EIF4G3: variants seen among roughly 807,000 people sequenced by gnomAD.
EIF4G3 encodes eIF-4-gamma 3.
Under a neutral mutation model 186.4 loss-of-function variants are expected in EIF4G3, and 34 were observed. The observed-to-expected ratio is 0.18, with a 90% CI of 0.14 to 0.24. The LOEUF (loss-of-function observed/expected upper bound fraction) is 0.24, where lower values mean the gene tolerates loss of function less well. Among genes scored for constraint, EIF4G3 ranks in the 10% least tolerant of loss-of-function variants. The pLI is 1.00. For missense variants in EIF4G3, 1,536 were observed against 1,948.5 expected (o/e 0.79, Z 3.99); for synonymous variants, 673 against 679.5 (o/e 0.99, Z 0.15).
chr1:20,950,049 A>G lies in EIF4G3; in HGVS notation c.777T>C (p.His259=), dbSNP rs1001082653. The change falls in exon 13 of 37, where the codon CAT becomes CAC. Residue 259 remains histidine (H), a synonymous_variant. Coordinates refer to ENST00000602326, the MANE Select transcript of EIF4G3 (RefSeq NM_001391906.1). ...PVVYGTVESA[H]LAASTPVTAA... ...CAGTGACAGGGGTGCTGGCAGCAAG[A>G]TGAGCGCTCTCCACAGTCCCATAAA... 6.2e-7 allele frequency: 1 copy of G among 1,613,642 alleles called. No homozygotes were observed. Among genetic ancestry groups the G allele is most frequent in the Non-Finnish European group, 8.5e-7 (1 of 1,179,744 alleles).
intron 32 of EIF4G3, among the ~76,000 whole-genome samples, chr1:20,826,984 GGACT>G (rs2063816228): frequency 6.6e-6 from 1 of 152,130 alleles, no homozygotes; most frequent in African/African-American, 2.4e-5. Flanking sequence ...GGATACAGAA[GGACT>G]TCTGTATCAG....
intron 3 of EIF4G3, among the ~76,000 whole-genome samples, chr1:21,068,375 TA>T (rs869306512): frequency 0.42 from 28,271 of 67,698 alleles, 4,608 homozygotes; most frequent in Admixed American, 0.48. Context: ...ACTCTGTCTT[TA>T]AAAAAAAAAA....
At chr1:21,048,293 T>C (rs1007066406) in intron 4 of EIF4G3, among the ~76,000 whole-genome samples, 4 of 151,796 alleles carry the variant, frequency 2.6e-5, no homozygotes, top group African/African-American at 7.2e-5. Flanking sequence ...TTCCCTTACA[T>C]GCCAGTTATC....
chr1:20,997,717 T>A, intron 6 of EIF4G3, 84 bp from the exon 7 acceptor site: 3 of 1,124,502 alleles, frequency 2.7e-6, no homozygotes, highest in South Asian at 1.7e-5. Flanking sequence ...TTTCACACAA[T>A]ATGCCAAAAG....
intron 3 of EIF4G3, among the ~76,000 whole-genome samples, chr1:21,075,436 G>A (rs1031847772): frequency 6.6e-6 from 1 of 151,828 alleles, no homozygotes. Context: ...AGGCATGGTG[G>A]TGGGTGCCGG....
At chr1:21,011,125 T>C (rs2086917490) in intron 4 of EIF4G3, among the ~76,000 whole-genome samples, 1 of 151,836 alleles carries the variant, frequency 6.6e-6, no homozygotes, top group South Asian at 2.1e-4. Flanking sequence ...TAAGTAAATC[T>C]TACATATACT....
At chr1:20,851,518 C>T in intron 27 of EIF4G3, 40 bp from the exon 28 acceptor site, 1 of 1,573,242 alleles carries the variant, frequency 6.4e-7, no homozygotes, top group Non-Finnish European at 8.7e-7. Flanking sequence ...GAAAGACAAG[C>T]CCATGTCCCC....
At chr1:20,883,074 C>T (rs539565387) in intron 19 of EIF4G3, among the ~76,000 whole-genome samples, 4 of 150,544 alleles carry the variant, frequency 2.7e-5, no homozygotes, top group Non-Finnish European at 4.4e-5. Flanking sequence ...AGAGTGAAAC[C>T]CTGTCTCAAA....
intron 7 of EIF4G3, among the ~76,000 whole-genome samples, chr1:20,993,000 C>G (rs911591495): frequency 6.6e-6 from 1 of 152,158 alleles, no homozygotes; most frequent in Admixed American, 6.5e-5. Context: ...TGACATATTT[C>G]TAAAGCCAAG....
chr1:21,164,714 G>C (rs2097826589), intron 2 of EIF4G3, among the ~76,000 whole-genome samples: 1 of 152,084 alleles, frequency 6.6e-6, no homozygotes, highest in Admixed American at 6.6e-5. Flanking sequence ...ACAAAAAGTA[G>C]CTGGGTGTAG....
At chr1:21,162,099 T>G (rs2097777069) in intron 2 of EIF4G3, 1 of 160,398 alleles carries the variant, frequency 6.2e-6, no homozygotes, top group Non-Finnish European at 1.4e-5. Flanking sequence ...AATAAATCAC[T>G]ATTGAAATGG....
chr1:21,109,999 G>A (rs2096691974), intron 2 of EIF4G3, among the ~76,000 whole-genome samples: 2 of 152,068 alleles, frequency 1.3e-5, no homozygotes, highest in African/African-American at 2.4e-5. Context: ...TGTTGACCAG[G>A]CTGGTCTCAA....
At chr1:21,102,899 G>T (rs986523421) in intron 2 of EIF4G3, among the ~76,000 whole-genome samples, 3 of 152,024 alleles carry the variant, frequency 2.0e-5, no homozygotes, top group Non-Finnish European at 4.4e-5. Flanking sequence ...ATAGCAAAAG[G>T]AACAGGATCA....
chr1:21,028,393 G>A (rs2092395920), intron 4 of EIF4G3, among the ~76,000 whole-genome samples: 1 of 152,182 alleles, frequency 6.6e-6, no homozygotes, highest in Admixed American at 6.5e-5. Context: ...AATTCAAAAT[G>A]TAAACCTCAA....
chr1:20,911,457 G>A (rs12757867), intron 14 of EIF4G3, among the ~76,000 whole-genome samples: 3,084 of 149,660 alleles, frequency 0.021, 62 homozygotes, highest in Non-Finnish European at 0.026. Context: ...AGCTTCTCAG[G>A]AGGCTAAAGT....
At chr1:20,836,287 A>T (rs1254186555) in intron 30 of EIF4G3, among the ~76,000 whole-genome samples, 1 of 152,190 alleles carries the variant, frequency 6.6e-6, no homozygotes, top group Non-Finnish European at 1.5e-5. Context: ...TCTGTTGCCC[A>T]GGCTGGGGTG....
intron 7 of EIF4G3, among the ~76,000 whole-genome samples, chr1:20,982,872 T>C (rs1398333300): frequency 6.6e-6 from 1 of 152,246 alleles, no homozygotes; most frequent in Non-Finnish European, 1.5e-5. Context: ...ATCAGACTCT[T>C]AATGACAGAG....
chr1:20,961,514 A>G (rs1192537811), intron 12 of EIF4G3, among the ~76,000 whole-genome samples: 2 of 152,228 alleles, frequency 1.3e-5, no homozygotes, highest in Admixed American at 1.3e-4. Flanking sequence ...GAGCATTTGA[A>G]TTCTTCTCTG....
intron 14 of EIF4G3, among the ~76,000 whole-genome samples, chr1:20,917,423 GT>G (rs2094003377): frequency 6.6e-6 from 1 of 152,192 alleles, no homozygotes; most frequent in Non-Finnish European, 1.5e-5. Flanking sequence ...AGGAGGATGT[GT>G]TGAACCTGGG....
Sources: allele counts gnomAD v4.1 joint callset (sites outside exome capture counted in the v4.1 genomes callset), GRCh38; gene constraint gnomAD v4.1.1; transcripts MANE v1.5; gene names NCBI Gene and HGNC (gene_info 2026-07-23, HGNC 2026-07-21).